COL6A6: variants seen among roughly 807,000 people sequenced by gnomAD.
The protein encoded by COL6A6 is collagen type VI alpha 6 chain.
Under a neutral mutation model 208.6 loss-of-function variants are expected in COL6A6, and 183 were observed. That is an observed-to-expected ratio of 0.88 (90% CI 0.78 to 0.99). The LOEUF (loss-of-function observed/expected upper bound fraction) is 0.99. Ranked by LOEUF, COL6A6 falls within the 50% of genes least tolerant of loss-of-function variation. The probability of loss-of-function intolerance (pLI) is 0.00; values close to 1 mark genes in which losing one functional copy is unlikely to be tolerated. For synonymous variants in COL6A6, 973 were observed against 1,011.8 expected, an observed-to-expected ratio of 0.96 and a Z score of 0.73; for missense variants, 2,816 against 2,815.2, an observed-to-expected ratio of 1.00 and a Z score of -0.01.
intron 23 of COL6A6, among the ~76,000 whole-genome samples, 152 bp downstream of exon 23, chr3:130,610,863 C>G (rs766868159): frequency 1.1e-4 from 17 of 152,166 alleles, no homozygotes; most frequent in Non-Finnish European, 2.4e-4. Flanking sequence ...CACATCACAT[C>G]ATGGTCCCCA....
Position 130,676,132 on chromosome 3 carries a change from T to A in COL6A6, c.*735T>A, listed in dbSNP as rs1252906805. The A allele has an allele frequency of 6.6e-6, 1 of 152,318 alleles. No homozygotes were observed. Among genetic ancestry groups the A allele is most frequent in the East Asian group, 1.9e-4 (1 of 5,186 alleles). The allele number at this position is 152,318 out of a possible 1,614,324, so 9.4% of individuals were successfully genotyped here. On this transcript the variant is annotated 3_prime_UTR_variant, in exon 37 of 37. Coordinates refer to ENST00000358511, the MANE Select transcript of COL6A6 (RefSeq NM_001102608.3). The stretch of plus-strand genomic sequence containing the variant: ...AGTCTGTCTTTCCTGTTATGGTCAT[T>A]TATTAATTTTCACTAATCCATATAT...
intron 1 of COL6A6, among the ~76,000 whole-genome samples, chr3:130,538,750 G>A (rs2062283730): frequency 6.6e-6 from 1 of 152,130 alleles, no homozygotes; most frequent in Admixed American, 6.5e-5. Flanking sequence ...ATTGGAGTGT[G>A]AGCTCAGTAT....
chr3:130,662,599 G>A (rs1446159880), intron 35 of COL6A6, among the ~76,000 whole-genome samples: 1 of 152,044 alleles, frequency 6.6e-6, no homozygotes, highest in Admixed American at 6.5e-5. Flanking sequence ...GCAGTCCGGG[G>A]GTGTGAAGTC....
chr3:130,600,056 A>G (rs1199415671), intron 20 of COL6A6, among the ~76,000 whole-genome samples: 1 of 152,186 alleles, frequency 6.6e-6, no homozygotes, highest in Non-Finnish European at 1.5e-5. Flanking sequence ...AAGAAAACCA[A>G]AAAAACCTCC....
intron 1 of COL6A6, among the ~76,000 whole-genome samples, chr3:130,548,525 G>A (rs1290750445): frequency 1.3e-5 from 2 of 152,198 alleles, no homozygotes; most frequent in African/African-American, 4.8e-5. Context: ...ACCCCAGCTG[G>A]TTAGGATCTC....
intron 36 of COL6A6, among the ~76,000 whole-genome samples, chr3:130,669,051 G>A (rs2066145399): frequency 6.6e-6 from 1 of 152,098 alleles, no homozygotes; most frequent in African/African-American, 2.4e-5. Flanking sequence ...CTGAGAACTG[G>A]TGTCATACAA....
chr3:130,530,156 C>A (rs1259074318), intron 1 of COL6A6, among the ~76,000 whole-genome samples: 1 of 152,214 alleles, frequency 6.6e-6, no homozygotes. Context: ...GCCAGACTGC[C>A]TGGCTTCGAA....
chr3:130,635,329 T>A (rs1259627964), intron 27 of COL6A6, among the ~76,000 whole-genome samples: 1 of 152,222 alleles, frequency 6.6e-6, no homozygotes, highest in African/African-American at 2.4e-5. Context: ...TGTTTATAAA[T>A]CATCTTTAGA....
rs758930548 is a variant in COL6A6, at chr3:130,610,708, C to T, written c.4812C>T (p.Pro1604=). The T allele has an allele frequency of 2.7e-5, 43 of 1,580,696 alleles. No homozygotes were observed. The highest frequency in any genetic ancestry group is 1.6e-4 in the East Asian group (7 of 43,648). The change falls in exon 23 of 37, where the codon CCC becomes CCT. Residue 1604 remains proline, a synonymous_variant. Coordinates refer to ENST00000358511, the MANE Select transcript of COL6A6 (RefSeq NM_001102608.3). ...GEKGGVGSKG[P]QGPPGPGGEA... ...AAGGAGGTGTGGGAAGTAAAGGTCC[C>T]CAGGTATGTAATGAGAAAAATGATT...
At position 130,571,048 on chromosome 3, in the gene COL6A6, A is replaced by G. The variant is rs779105502; in HGVS notation, c.2632A>G (p.Asn878Asp). ...TKLEVISVLQNDQAMGGSTYT... is the reference protein window; with the variant it reads ...TKLEVISVLQDDQAMGGSTYT... ...ACTGGAGGTAATTTCAGTGCTCCAG[A>G]ATGACCAAGCCATGGGTGGCAGTAC... The change falls in exon 7 of 37, where the codon AAT becomes GAT. Residue 878 changes from asparagine (N) to aspartate (D), a missense_variant. Asn to Asp is a conservative substitution (Grantham distance 23, BLOSUM62 1). Coordinates refer to ENST00000358511, the MANE Select transcript of COL6A6 (RefSeq NM_001102608.3). 1 of 1,613,878 alleles carries G rather than the reference A, an allele frequency of 6.2e-7. No individual in the cohort carries two copies. Among genetic ancestry groups the G allele is most frequent in the Admixed American group, 1.7e-5 (1 of 60,024 alleles).
intron 36 of COL6A6, among the ~76,000 whole-genome samples, chr3:130,672,786 G>A (rs753696466): frequency 4.0e-5 from 6 of 151,470 alleles, no homozygotes; most frequent in Non-Finnish European, 7.4e-5. Context: ...TGAGTCGGGT[G>A]GATCAGGAGG....
chr3:130,660,909 C>A (rs779500083), intron 34 of COL6A6, among the ~76,000 whole-genome samples: 9 of 152,200 alleles, frequency 5.9e-5, no homozygotes, highest in South Asian at 4.1e-4. Context: ...ATTAAATGAC[C>A]TTTAAGAACC....
intron 34 of COL6A6, 31 bp downstream of exon 34, chr3:130,658,803 C>T: frequency 6.6e-7 from 1 of 1,523,556 alleles, no homozygotes; most frequent in Non-Finnish European, 9.0e-7. Flanking sequence ...GTAATTTGGT[C>T]AGGCCTATTA....
At chr3:130,644,510 T>C (rs2065410127) in intron 31 of COL6A6, among the ~76,000 whole-genome samples, 1 of 152,246 alleles carries the variant, frequency 6.6e-6, no homozygotes, top group African/African-American at 2.4e-5. Context: ...CCACCTCTGA[T>C]ACTTACATAA....
chr3:130,562,706 A>AT (rs1465883821), intron 2 of COL6A6, among the ~76,000 whole-genome samples: 1 of 152,208 alleles, frequency 6.6e-6, no homozygotes, highest in Non-Finnish European at 1.5e-5. Flanking sequence ...AGCCAAAAAA[A>AT]CTACAAGAGG....
intron 12 of COL6A6, among the ~76,000 whole-genome samples, chr3:130,590,277 A>G (rs867895210): frequency 7.3e-5 from 1 of 13,788 alleles, no homozygotes; most frequent in African/African-American, 3.4e-4. Flanking sequence ...ATATATATAT[A>G]TATATATATA....
chr3:130,549,731 C>G (rs1049133368), intron 1 of COL6A6, among the ~76,000 whole-genome samples: 1 of 152,062 alleles, frequency 6.6e-6, no homozygotes, highest in Non-Finnish European at 1.5e-5. Context: ...GGGCTCTATT[C>G]GGTTCCATTG....
chr3:130,612,072 A>T (rs1960969), intron 23 of COL6A6, among the ~76,000 whole-genome samples: 49,820 of 151,982 alleles, frequency 0.33, 10,154 homozygotes, highest in African/African-American at 0.55. Context: ...CTTAGGATAA[A>T]GGCCTCCAGC....
At chr3:130,535,856 CTG>C (rs1275425573) in intron 1 of COL6A6, among the ~76,000 whole-genome samples, 1 of 152,190 alleles carries the variant, frequency 6.6e-6, no homozygotes, top group Non-Finnish European at 1.5e-5. Flanking sequence ...AGTCTTGTGA[CTG>C]TGAAACTGCT....
Sources: gnomAD v4.1 joint callset for allele counts (sites outside exome capture counted in the v4.1 genomes callset) on GRCh38, gnomAD v4.1.1 for gene constraint, MANE v1.5 for transcripts, NCBI Gene and HGNC (gene_info 2026-07-23, HGNC 2026-07-21) for gene names.